EYS: variants seen among roughly 807,000 people sequenced by gnomAD.
EYS encodes the protein EGF-like photoreceptor maintenance factor.
In EYS, 250 loss-of-function variants were observed where a neutral mutation model predicts 282.1. The observed-to-expected ratio is 0.89, with a 90% CI of 0.80 to 0.98. EYS has a LOEUF of 0.98. Among genes scored for constraint, EYS ranks in the 50% least tolerant of loss-of-function variants. The pLI is 0.00. For synonymous variants in EYS, 1,355 were observed against 1,282.9 expected, an observed-to-expected ratio of 1.06 and a Z score of -1.20; for missense variants, 4,016 against 3,709.0, an observed-to-expected ratio of 1.08 and a Z score of -2.15.
At chr6:63,954,952 T>TC (rs756455892) in intron 35 of EYS, among the ~76,000 whole-genome samples, 19 of 152,082 alleles carry the variant, frequency 1.2e-4, no homozygotes, top group Non-Finnish European at 2.6e-4. Context: ...ATTCTACTAC[T>TC]CCTCAGGGAT....
rs1440171132 is a variant in EYS, at chr6:65,587,879, T to C, written c.-333+51899A>G. On this transcript the variant is annotated intron_variant, in intron 2 of 42. Transcript: ENST00000503581. ...AGTTGTAGTTTCATAAATTAAAAGATGTGGATGAAGTTCCAAGATTTGAAA... is the reference window on the plus strand; with the variant it reads ...AGTTGTAGTTTCATAAATTAAAAGACGTGGATGAAGTTCCAAGATTTGAAA... Among the ~76,000 whole-genome samples, 5 of 152,234 alleles carry C rather than the reference T, an allele frequency of 3.3e-5. No homozygotes were observed. The East Asian group carries it at 9.7e-4, about 30-fold the overall frequency.
chr6:63,956,613 T>C (rs908067080), intron 35 of EYS, among the ~76,000 whole-genome samples: 2 of 152,218 alleles, frequency 1.3e-5, no homozygotes, highest in Non-Finnish European at 2.9e-5. Flanking sequence ...AATTGACAAT[T>C]GGATGTCTTT....
chr6:65,641,873 T>C (rs944939051), intron 1 of EYS, among the ~76,000 whole-genome samples: 2 of 152,202 alleles, frequency 1.3e-5, no homozygotes, highest in African/African-American at 2.4e-5. Flanking sequence ...TTCTTCTGCC[T>C]TGACCTCCTG....
At chr6:64,471,304 T>C (rs1776115372) in intron 26 of EYS, among the ~76,000 whole-genome samples, 1 of 152,104 alleles carries the variant, frequency 6.6e-6, no homozygotes, top group African/African-American at 2.4e-5. Context: ...AGTCAAATTG[T>C]CTCTGTTTGC....
At chr6:64,388,657 ATAAT>A (rs1772990635) in intron 29 of EYS, 29 bp downstream of exon 29, 4 of 1,407,956 alleles carry the variant, frequency 2.8e-6, no homozygotes, top group South Asian at 1.5e-5. Flanking sequence ...ATTATTTTCA[ATAAT>A]TAATATTTTA....
At chr6:65,062,282 C>T (rs1215040656) in intron 12 of EYS, among the ~76,000 whole-genome samples, 1 of 151,880 alleles carries the variant, frequency 6.6e-6, no homozygotes, top group Admixed American at 6.6e-5. Context: ...TGATAAATAA[C>T]AAAACCCAAG....
chr6:65,114,170 TACTC>T (rs1775299241), intron 12 of EYS, among the ~76,000 whole-genome samples: 1 of 151,994 alleles, frequency 6.6e-6, no homozygotes, highest in African/African-American at 2.4e-5. Context: ...TCAAAAAAGT[TACTC>T]ACTGTATTTA....
intron 35 of EYS, among the ~76,000 whole-genome samples, chr6:63,888,969 A>T (rs1581938069): frequency 6.6e-6 from 1 of 152,244 alleles, no homozygotes; most frequent in South Asian, 2.1e-4. Context: ...GCTGAAAAAC[A>T]TAGCACGTAA....
intron 26 of EYS, among the ~76,000 whole-genome samples, chr6:64,574,960 G>A (rs960524940): frequency 6.6e-6 from 1 of 152,114 alleles, no homozygotes; most frequent in African/African-American, 2.4e-5. Context: ...ATTACAGAAA[G>A]CTGGTCAGGC....
At chr6:64,385,978 C>G (rs1291147135) in intron 29 of EYS, among the ~76,000 whole-genome samples, 1 of 152,128 alleles carries the variant, frequency 6.6e-6, no homozygotes, top group Non-Finnish European at 1.5e-5. Context: ...TGCTGATTCC[C>G]AATTCTCAGC....
intron 22 of EYS, among the ~76,000 whole-genome samples, chr6:64,786,808 C>T (rs1774037165): frequency 6.6e-6 from 1 of 152,116 alleles, no homozygotes; most frequent in Admixed American, 6.5e-5. Flanking sequence ...CAGACTGTGC[C>T]TTGGTTAGAA....
chr6:64,838,643 C>CACACACAT (rs55930867), intron 19 of EYS, among the ~76,000 whole-genome samples: 4 of 151,116 alleles, frequency 2.6e-5, no homozygotes, highest in Non-Finnish European at 3.0e-5. Flanking sequence ...CACACACACA[C>CACACACAT]GCATGCACGC....
At chr6:63,966,575 A>G (rs908160803) in intron 35 of EYS, among the ~76,000 whole-genome samples, 2 of 152,174 alleles carry the variant, frequency 1.3e-5, no homozygotes, top group African/African-American at 4.8e-5. Context: ...AGAACATGCC[A>G]TAGGAAGCAG....
intron 36 of EYS, among the ~76,000 whole-genome samples, chr6:63,863,675 CT>C (rs1284326554): frequency 0.34 from 19,298 of 56,698 alleles, 2,589 homozygotes; most frequent in Admixed American, 0.41. Context: ...TTTCTTTTTT[CT>C]TTTTTTTTTT....
Position 65,397,145 on chromosome 6 carries a change from A to G in EYS, c.1184+5333T>C, listed in dbSNP as rs1766307310. Among the ~76,000 whole-genome samples the G allele has an allele frequency of 2.0e-5, 3 of 152,010 alleles. No individual in the cohort carries two copies. The East Asian group carries it at 5.8e-4, about 30-fold the overall frequency. On this transcript the variant is annotated intron_variant, in intron 7 of 42. Transcript: ENST00000503581. The stretch of plus-strand genomic sequence containing the variant: ...TCTGGGTTCAATGTGAGGTAATTTC[A>G]TTGAGTTTCCTGTTGTATTTTTATT...
chr6:64,059,791 T>C (rs1218419477), intron 33 of EYS, among the ~76,000 whole-genome samples: 1 of 152,214 alleles, frequency 6.6e-6, no homozygotes, highest in Non-Finnish European at 1.5e-5. Context: ...CTAGTTTTTA[T>C]GTATGCTATG....
chr6:64,650,943 T>C (rs1282915993), intron 22 of EYS, among the ~76,000 whole-genome samples: 1 of 152,040 alleles, frequency 6.6e-6, no homozygotes, highest in Non-Finnish European at 1.5e-5. Context: ...ATCTTCACGT[T>C]TATTGTTTGA....
chr6:65,662,591 A>G (rs1349990352), intron 1 of EYS, among the ~76,000 whole-genome samples: 1 of 152,196 alleles, frequency 6.6e-6, no homozygotes, highest in Non-Finnish European at 1.5e-5. Flanking sequence ...TCCTCAATAA[A>G]TGAGTGCTCC....
At chr6:65,423,886 G>C (rs977618889) in intron 5 of EYS, among the ~76,000 whole-genome samples, 1 of 151,912 alleles carries the variant, frequency 6.6e-6, no homozygotes, top group African/African-American at 2.4e-5. Context: ...CTTTATCCCT[G>C]AGAGTGTTTA....
Sources: allele counts gnomAD v4.1 joint callset (sites outside exome capture counted in the v4.1 genomes callset), GRCh38; gene constraint gnomAD v4.1.1; transcripts MANE v1.5; gene names NCBI Gene and HGNC (gene_info 2026-07-23, HGNC 2026-07-21).